NPR1: variants seen among roughly 807,000 people sequenced by gnomAD.
The protein encoded by NPR1 is natriuretic peptide receptor 1.
Under a neutral mutation model 116.9 loss-of-function variants are expected in NPR1, and 57 were observed. The observed-to-expected ratio is 0.49, with a 90% CI of 0.39 to 0.61. The LOEUF (loss-of-function observed/expected upper bound fraction) is 0.61, where lower values mean the gene tolerates loss of function less well. NPR1 is among the 20% of genes least tolerant of loss of function. The probability of loss-of-function intolerance (pLI) is 0.00; values close to 1 mark genes in which losing one functional copy is unlikely to be tolerated. For synonymous variants in NPR1, 555 were observed against 601.6 expected (o/e 0.92, Z 1.13); for missense variants, 1,096 against 1,409.8 (o/e 0.78, Z 3.56).
At chr1:153,681,682 C>A (rs1571345697) in intron 3 of NPR1, 22 bp from the exon 4 acceptor site, 1 of 1,610,400 alleles carries the variant, frequency 6.2e-7, no homozygotes, top group Non-Finnish European at 8.5e-7. Flanking sequence ...CCACCCCAGC[C>A]GACCTCTGTT....
chr1:153,682,015 T>C lies in NPR1; in HGVS notation c.1171+176T>C, dbSNP rs13306000. ...AGTCCTACAAAGTGTCCAATCTCAA[T>C]CATCCCTGCTGGGCACTGAGTTCTT... On this transcript the variant is annotated intron_variant, in intron 4 of 21. Transcript: ENST00000368680. Among the ~76,000 whole-genome samples the C allele has an allele frequency of 4.1e-4, 63 of 152,274 alleles. No homozygotes were observed. In the East Asian group the frequency reaches 0.011, roughly 26 times the overall value.
In NPR1 at chr1:153,678,740, C is replaced by T; in HGVS notation, c.-369C>T. On this transcript the variant is annotated 5_prime_UTR_variant, in exon 1 of 22. Coordinates refer to ENST00000368680, the MANE Select transcript of NPR1 (RefSeq NM_000906.4). The surrounding 1 kb of genome is among the most constrained non-coding windows in gnomAD (Gnocchi z 5.8). ...CGCTACAAACACACACTCCTCTTTC[C>T]TCCCTCGCGCGCCCTCTCTCATCCT... The T allele has an allele frequency of 7.4e-6, 2 of 270,298 alleles. No individual in the cohort carries two copies. Among genetic ancestry groups the T allele is most frequent in the Non-Finnish European group, 1.4e-5 (2 of 145,138 alleles). 16.7% of individuals were successfully genotyped at this position (270,298 alleles called of 1,614,324 possible). A position where few individuals can be genotyped will look rare whatever the true frequency, so the allele number is the denominator to read the frequency against.
chr1:153,687,932 C>T lies in NPR1; in HGVS notation c.2249-121C>T. On this transcript the variant is annotated intron_variant, in intron 14 of 21. Transcript: ENST00000368680. Reference sequence around the variant, plus strand: ...CCCTTTGACCCATTGCTGCCAGTGACCAGTCCCCCGCCCCCATGCCTTGGT... The same window carrying T: ...CCCTTTGACCCATTGCTGCCAGTGATCAGTCCCCCGCCCCCATGCCTTGGT... 6 of 1,086,906 alleles carry T rather than the reference C, an allele frequency of 5.5e-6. No individual in the cohort carries two copies. The South Asian group carries it at 9.2e-5, about 17-fold the overall frequency. The allele number at this position is 1,086,906 out of a possible 1,614,324, so 67.3% of individuals were successfully genotyped here.
At chr1:153,688,687 A>C in intron 15 of NPR1, 1 of 514,938 alleles carries the variant, frequency 1.9e-6, no homozygotes, top group Non-Finnish European at 3.5e-6. Flanking sequence ...CACCTCCTTT[A>C]CCTCCTTCTA....
rs1425003683 is a variant in NPR1 at position 153,679,541 on chromosome 1, G to C, written c.433G>C (p.Gly145Arg). The C allele has an allele frequency of 1.3e-6, 2 of 1,542,022 alleles. No homozygotes were observed. Among genetic ancestry groups the C allele is most frequent in the Non-Finnish European group, 1.7e-6 (2 of 1,148,776 alleles). ...GCTGACCGCCGGCGCCCCGGCGCTG[G>C]GCTTCGGTGTCAAGGACGAGTATGC... ...PLLTAGAPALGFGVKDEYALT... is the reference protein window; with the variant it reads ...PLLTAGAPALRFGVKDEYALT... Residue 145 changes from glycine to arginine, a missense_variant, in exon 1 of 22, where the codon GGC becomes CGC. Transcript: ENST00000368680. This position sits in a 1 kb window ranked among gnomAD's most constrained non-coding sequence, Gnocchi z 4.2.
chr1:153,685,158 G>T, intron 8 of NPR1, 74 bp downstream of exon 8: 2 of 1,564,798 alleles, frequency 1.3e-6, no homozygotes, highest in Non-Finnish European at 1.7e-6. Context: ...TGAGGGATAG[G>T]TAAGGGAGCA....
At position 153,688,933 on chromosome 1, in the gene NPR1, C is replaced by T. The variant is rs749156440; in HGVS notation, c.2418-20C>T. 6.2e-7 allele frequency: 1 copy of T among 1,613,788 alleles called. No individual in the cohort carries two copies. The highest frequency in any genetic ancestry group is 1.1e-5 in the South Asian group (1 of 91,072). ...TGCTGCTCCTCTCTTACCACCCCCA[C>T]CGCCACCCTCTGCCCCCAGGGAGAA... On this transcript the variant is annotated intron_variant, in intron 15 of 21. Coordinates refer to ENST00000368680, the MANE Select transcript of NPR1 (RefSeq NM_000906.4).
chr1:153,688,850 A>G, intron 15 of NPR1, 103 bp from the exon 16 acceptor site: 3 of 1,424,756 alleles, frequency 2.1e-6, no homozygotes, highest in Non-Finnish European at 2.9e-6. Flanking sequence ...GCGTCTCTAG[A>G]GACCTCACTG....
At chr1:153,687,932 C>G in intron 14 of NPR1, 121 bp from the exon 15 acceptor site, 1 of 1,086,784 alleles carries the variant, frequency 9.2e-7, no homozygotes, top group East Asian at 2.4e-5. Context: ...CTGCCAGTGA[C>G]CAGTCCCCCG....
In NPR1 at chr1:153,689,564, A is replaced by G; in HGVS notation, c.2757+43A>G. 2 of 1,575,522 alleles carry G rather than the reference A, an allele frequency of 1.3e-6. No individual in the cohort carries two copies. Among genetic ancestry groups the G allele is most frequent in the Non-Finnish European group, 1.7e-6 (2 of 1,145,188 alleles). ...GATGGGAAGGGACAGACAGACATGGACAAGGTCAGAAAAAGATGAGGGGTA... is the reference window on the plus strand; with the variant it reads ...GATGGGAAGGGACAGACAGACATGGGCAAGGTCAGAAAAAGATGAGGGGTA... On this transcript the variant is annotated intron_variant, in intron 18 of 21. Coordinates refer to ENST00000368680, the MANE Select transcript of NPR1 (RefSeq NM_000906.4). This position sits in a 1 kb window ranked among gnomAD's most constrained non-coding sequence, Gnocchi z 5.1.
At position 153,687,058 on chromosome 1, in the gene NPR1, C is replaced by T. The variant is rs781272707; in HGVS notation, c.1906C>T (p.Arg636Trp). ...GAGCATCACCCTGGACTGGATGTTC[C>T]GGTACTCACTCACCAATGACATCGT... ...NESITLDWMF[R>W]YSLTNDIVKG... Residue 636 changes from arginine to tryptophan, a missense_variant, in exon 12 of 22, where the codon CGG (arginine) becomes TGG (tryptophan). Arg to Trp is a moderately radical substitution (Grantham distance 101, BLOSUM62 -3). Coordinates refer to ENST00000368680, the MANE Select transcript of NPR1 (RefSeq NM_000906.4). The T allele has an allele frequency of 5.0e-6, 8 of 1,613,974 alleles. No individual in the cohort carries two copies. The East Asian group carries it at 6.7e-5, about 13-fold the overall frequency.
rs145546823 is a variant in NPR1, at chr1:153,689,004, C to G, written c.2469C>G (p.Tyr823Ter). The change falls in exon 16 of 22, where the codon TAC (tyrosine) becomes TAG (stop). Residue 823 changes from tyrosine to a stop codon, truncating the protein, a stop_gained. Coordinates refer to ENST00000368680, the MANE Select transcript of NPR1 (RefSeq NM_000906.4). LOFTEE classifies it high-confidence loss of function. The surrounding 1 kb of genome is among the most constrained non-coding windows in gnomAD (Gnocchi z 5.1). ...LDNLLSRMEQ[Y>*]ANNLEELVEE... ...ACCTGCTGTCCCGCATGGAGCAGTA[C>G]GCGAACAATCTGGAGGAACTGGTGG... 1 of 1,614,064 alleles carries G rather than the reference C, an allele frequency of 6.2e-7. No homozygotes were observed. Among genetic ancestry groups the G allele is most frequent in the Non-Finnish European group, 8.5e-7 (1 of 1,180,042 alleles).
Position 153,693,146 on chromosome 1 carries a change from G to A in NPR1, c.3072G>A (p.Leu1024=), listed in dbSNP as rs1316684867. The stretch of plus-strand genomic sequence containing the variant: ...TGTCTTCTGAGACCAAGGCTGTCCT[G>A]GAGGAGTTTGGTGGTTTCGAGCTGG... ...IHLSSETKAV[L]EEFGGFELEL... Residue 1024 remains leucine (L), a synonymous_variant, in exon 21 of 22, where the codon CTG becomes CTA. Coordinates refer to ENST00000368680, the MANE Select transcript of NPR1 (RefSeq NM_000906.4). The A allele has an allele frequency of 6.2e-7, 1 of 1,614,116 alleles. No homozygotes were observed. Among genetic ancestry groups the A allele is most frequent in the Non-Finnish European group, 8.5e-7 (1 of 1,179,998 alleles).
chr1:153,686,303 G>T, intron 10 of NPR1, 103 bp downstream of exon 10: 1 of 1,122,980 alleles, frequency 8.9e-7, no homozygotes, highest in Non-Finnish European at 1.3e-6. Context: ...GGTACCCCAA[G>T]AAAGGGGCAG....
chr1:153,693,515 A>G lies in NPR1; in HGVS notation c.*101A>G. ...CCCACAGCAGCCCCATCGCCAAAGG[A>G]TGGAAGTAATTTGAATAGCTCAGGT... On this transcript the variant is annotated 3_prime_UTR_variant, in exon 22 of 22. Transcript: ENST00000368680. 1 of 1,075,126 alleles carries G rather than the reference A, an allele frequency of 9.3e-7. No individual in the cohort carries two copies. The highest frequency in any genetic ancestry group is 1.4e-6 in the Non-Finnish European group (1 of 735,130). The allele number at this position is 1,075,126 out of a possible 1,614,324, so 66.6% of individuals were successfully genotyped here. A position where few individuals can be genotyped will look rare whatever the true frequency, so the allele number is the denominator to read the frequency against.
chr1:153,680,583 C>T lies in NPR1; in HGVS notation c.804C>T (p.Tyr268=), dbSNP rs1669740470. 1.2e-6 allele frequency: 2 copies of T among 1,614,020 alleles called. No individual in the cohort carries two copies. Among genetic ancestry groups the T allele is most frequent in the Non-Finnish European group, 8.5e-7 (1 of 1,180,042 alleles). Residue 268 remains tyrosine (Y), a synonymous_variant, in exon 2 of 22, where the codon TAC becomes TAT. Transcript: ENST00000368680. ...ALEAGLCGED[Y]VFFHLDIFGQ... ...AAGCTGGCTTGTGTGGGGAGGACTA[C>T]GTTTTCTTCCACCTGGATATCTTTG...
Position 153,689,317 on chromosome 1 carries a change from C to G in NPR1, c.2688+6C>G. 1 of 1,614,192 alleles carries G rather than the reference C, an allele frequency of 6.2e-7. No homozygotes were observed. Among genetic ancestry groups the G allele is most frequent in the Non-Finnish European group, 8.5e-7 (1 of 1,180,032 alleles). ...CGGAGAGCACACCCATGCAGGTAGG[C>G]CAGGGTTCAGCCACAGGTGCCAGGC... On this transcript the variant is annotated splice_donor_region_variant and intron_variant, in intron 17 of 21. Transcript: ENST00000368680. The surrounding 1 kb of genome is among the most constrained non-coding windows in gnomAD (Gnocchi z 5.1).
Position 153,679,889 on chromosome 1 carries a change from C to A in NPR1, c.721+60C>A. On this transcript the variant is annotated intron_variant, in intron 1 of 21. Transcript: ENST00000368680. This position sits in a 1 kb window ranked among gnomAD's most constrained non-coding sequence, Gnocchi z 4.2. ...CCGCAGGGCCTCCCCTCTGACCTGC[C>A]GGAGGCATCGGGACTTTCTCTCTCA... The A allele has an allele frequency of 1.3e-6, 2 of 1,507,994 alleles. No homozygotes were observed. Among genetic ancestry groups the A allele is most frequent in the South Asian group, 1.2e-5 (1 of 80,610 alleles). The allele number at this position is 1,507,994 out of a possible 1,614,324, so 93.4% of individuals were successfully genotyped here. A position where few individuals can be genotyped will look rare whatever the true frequency, so the allele number is the denominator to read the frequency against.
rs1669936299 is a variant in NPR1 at position 153,686,637 on chromosome 1, C to T, written c.1759-9C>T. ...TCTGTCAAGCTCCTGATGCTGGTCC[C>T]ACTTGCAGATGCGGGATGTGCAGAA... On this transcript the variant is annotated splice_polypyrimidine_tract_variant and intron_variant, in intron 10 of 21. Coordinates refer to ENST00000368680, the MANE Select transcript of NPR1 (RefSeq NM_000906.4). 1 of 1,611,448 alleles carries T rather than the reference C, an allele frequency of 6.2e-7. No homozygotes were observed. The highest frequency in any genetic ancestry group is 1.1e-5 in the South Asian group (1 of 90,844).
Sources: gnomAD v4.1 joint callset for allele counts (sites outside exome capture counted in the v4.1 genomes callset) on GRCh38, gnomAD v4.1.1 for gene constraint, Gnocchi (gnomAD v3.1) non-coding constraint, MANE v1.5 for transcripts, NCBI Gene and HGNC (gene_info 2026-07-23, HGNC 2026-07-21) for gene names.